PLA2G6: variants seen among roughly 807,000 people sequenced by gnomAD.
PLA2G6 encodes phospholipase A2 group VI, also known as 85/88 kDa calcium-independent phospholipase A2.
In PLA2G6, 62 loss-of-function variants were observed where a neutral mutation model predicts 83.8. The observed-to-expected ratio is 0.74, with a 90% CI of 0.60 to 0.91. PLA2G6 has a LOEUF of 0.91. Ranked by LOEUF, PLA2G6 falls within the 40% of genes least tolerant of loss-of-function variation. The pLI, the probability that PLA2G6 is intolerant of heterozygous loss-of-function variation, is 0.00. For synonymous variants in PLA2G6, 417 were observed against 449.8 expected (o/e 0.93, Z 0.92); for missense variants, 944 against 1,102.0 (o/e 0.86, Z 2.03).
intron 9 of PLA2G6, among the ~76,000 whole-genome samples, chr22:38,127,720 G>A (rs1306102242): frequency 6.6e-6 from 1 of 152,218 alleles, no homozygotes; most frequent in African/African-American, 2.4e-5. Flanking sequence ...AAAGTCCAGA[G>A]AAGGGTCCTG....
At chr22:38,129,752 G>A (rs2088096388) in intron 7 of PLA2G6, among the ~76,000 whole-genome samples, 190 bp from the exon 8 acceptor site, 2 of 152,146 alleles carry the variant, frequency 1.3e-5, no homozygotes, top group African/African-American at 4.8e-5. Flanking sequence ...TGATGGCTGG[G>A]GACCTGACAA....
Position 38,120,955 on chromosome 22 carries a change from C to T in PLA2G6, c.1592-46G>A, listed in dbSNP as rs758616263. 5.0e-6 allele frequency: 8 copies of T among 1,607,654 alleles called. No homozygotes were observed. In the East Asian group the frequency reaches 1.6e-4, roughly 31 times the overall value. ...GGCGGGGAGATGCAGCGGCCACACG[C>T]AGGGCTCCCGTAGAACAGCCTGCAG... On this transcript the variant is annotated intron_variant, in intron 11 of 16. Coordinates refer to ENST00000332509, the MANE Select transcript of PLA2G6 (RefSeq NM_003560.4).
chr22:38,169,731 A>C (rs1420542486), intron 1 of PLA2G6, among the ~76,000 whole-genome samples: 1 of 152,226 alleles, frequency 6.6e-6, no homozygotes, highest in Non-Finnish European at 1.5e-5. Context: ...GGTGACCTTA[A>C]CTGCCTGCTT....
intron 1 of PLA2G6, among the ~76,000 whole-genome samples, chr22:38,174,113 C>T (rs1361389336): frequency 4.6e-5 from 7 of 151,762 alleles, no homozygotes; most frequent in Non-Finnish European, 5.9e-5. Flanking sequence ...CAAAAACAAA[C>T]GGGCTGGGCG....
At chr22:38,170,937 G>A (rs1360804961) in intron 1 of PLA2G6, among the ~76,000 whole-genome samples, 1 of 152,130 alleles carries the variant, frequency 6.6e-6, no homozygotes, top group Non-Finnish European at 1.5e-5. Flanking sequence ...TTGGGAGGCC[G>A]ACTCGGGCGG....
Position 38,169,286 on chromosome 22 carries a change from G to C in PLA2G6, c.141C>G (p.Phe47Leu). The C allele has an allele frequency of 6.2e-7, 1 of 1,614,194 alleles. No individual in the cohort carries two copies. The highest frequency in any genetic ancestry group is 8.5e-7 in the Non-Finnish European group (1 of 1,180,032). ...CCCAGGTGCGGTTGGGAGTGTTCTG[G>C]AACAGAATCAGCTGCCCTTCCTCCC... Reference protein sequence around the residue: ...RVREEGQLILFQNTPNRTWDC... With the variant: ...RVREEGQLILLQNTPNRTWDC... Residue 47 changes from phenylalanine to leucine, a missense_variant, in exon 2 of 17, where the codon TTC (phenylalanine) becomes TTG (leucine). Coordinates refer to ENST00000332509, the MANE Select transcript of PLA2G6 (RefSeq NM_003560.4).
intron 2 of PLA2G6, chr22:38,148,889 C>T (rs1386914806): frequency 3.8e-5 from 7 of 182,668 alleles, no homozygotes; most frequent in East Asian, 1.6e-4. Flanking sequence ...TTTTTTGAGA[C>T]GGAGTCTCGC....
intron 5 of PLA2G6, chr22:38,139,329 A>G (rs2088743914): frequency 6.6e-6 from 1 of 152,064 alleles, no homozygotes; most frequent in African/African-American, 2.4e-5. Context: ...GAAAGAGGAG[A>G]CCCCAAAGAG....
At chr22:38,164,296 G>C (rs2090133542) in intron 2 of PLA2G6, among the ~76,000 whole-genome samples, 1 of 152,210 alleles carries the variant, frequency 6.6e-6, no homozygotes, top group African/African-American at 2.4e-5. Flanking sequence ...CCTGATGTAA[G>C]AAAGGTAAAC....
At chr22:38,127,731 TCTAG>T (rs2087953324) in intron 9 of PLA2G6, among the ~76,000 whole-genome samples, 4 of 152,094 alleles carry the variant, frequency 2.6e-5, no homozygotes, top group Admixed American at 2.6e-4. Flanking sequence ...AAGGGTCCTG[TCTAG>T]TCTGGGGATG....
At chr22:38,152,509 T>G (rs132944) in intron 2 of PLA2G6, among the ~76,000 whole-genome samples, 27,817 of 150,668 alleles carry the variant, frequency 0.18, 2,865 homozygotes, top group East Asian at 0.45. Flanking sequence ...GCCTGGCCCG[T>G]GCCTGGCACT....
chr22:38,149,801 G>T (rs5756930), intron 2 of PLA2G6: 1 of 151,668 alleles, frequency 6.6e-6, no homozygotes, highest in Non-Finnish European at 1.5e-5. Context: ...CGGGCGTGGC[G>T]GTGGGTGCCT....
rs1425894976 is a variant in PLA2G6, at chr22:38,143,191, A to T, written c.523T>A (p.Cys175Ser). The T allele has an allele frequency of 1.2e-6, 2 of 1,614,164 alleles. No homozygotes were observed. The highest frequency in any genetic ancestry group is 1.7e-6 in the Non-Finnish European group (2 of 1,179,988). Residue 175 changes from cysteine (C) to serine (S), a missense_variant, in exon 4 of 17, where the codon TGC (cysteine) becomes AGC (serine). Physicochemically the swap from Cys to Ser is moderately radical, Grantham distance 112. Coordinates refer to ENST00000332509, the MANE Select transcript of PLA2G6 (RefSeq NM_003560.4). The part of the protein sequence containing the change: ...GEILVELVQY[C>S]HTQMDVTDYK... ...TCGGTGACATCCATCTGAGTGTGGC[A>T]GTACTGCACCAGCTCCACCAGGATC...
chr22:38,174,440 T>G (rs917852955), intron 1 of PLA2G6, among the ~76,000 whole-genome samples: 2 of 151,586 alleles, frequency 1.3e-5, no homozygotes, highest in African/African-American at 4.9e-5. Flanking sequence ...ACAAAAAACC[T>G]CGAGTGGGAA....
Position 38,115,928 on chromosome 22 carries a change from C to T in PLA2G6, c.1879+147G>A, listed in dbSNP as rs1226571470. 4 of 1,466,592 alleles carry T rather than the reference C, an allele frequency of 2.7e-6. No individual in the cohort carries two copies. The East Asian group carries it at 7.3e-5, about 27-fold the overall frequency. The allele number at this position is 1,466,592 out of a possible 1,614,324, so 90.8% of individuals were successfully genotyped here. ...AGGGGCCTGACAGCTCCCCCGCAATCCCTGTCCTCAGCCAATAAAGACCAG... is the reference window on the plus strand; with the variant it reads ...AGGGGCCTGACAGCTCCCCCGCAATTCCTGTCCTCAGCCAATAAAGACCAG... On this transcript the variant is annotated intron_variant, in intron 13 of 16. Coordinates refer to ENST00000332509, the MANE Select transcript of PLA2G6 (RefSeq NM_003560.4).
chr22:38,120,866 C>T lies in PLA2G6; in HGVS notation c.1635G>A (p.Lys545=), dbSNP rs752452448. The T allele has an allele frequency of 1.7e-5, 28 of 1,613,776 alleles. 1 individual carries two copies. The East Asian group carries it at 6.2e-4, about 36-fold the overall frequency. Reference sequence around the variant, plus strand: ...GCCTGGAGCCCCGGAACACCTCATCCTTCATGCGAAAGTACATGCCGCGCA... The same window carrying T: ...GCCTGGAGCCCCGGAACACCTCATCTTTCATGCGAAAGTACATGCCGCGCA... ...AYMRGMYFRM[K]DEVFRGSRPY... is the part of the protein sequence containing the mutation. Residue 545 remains lysine, a synonymous_variant, in exon 12 of 17, where the codon AAG becomes AAA. Transcript: ENST00000332509.
At chr22:38,112,402 C>T (rs914530056) in intron 16 of PLA2G6, 97 bp from the exon 17 acceptor site, 2 of 1,532,002 alleles carry the variant, frequency 1.3e-6, no homozygotes, top group African/African-American at 2.7e-5. Flanking sequence ...CAGAGCAGAC[C>T]CTTGGGGAAG....
chr22:38,177,009 C>T (rs2090658677), intron 1 of PLA2G6, among the ~76,000 whole-genome samples: 1 of 147,198 alleles, frequency 6.8e-6, no homozygotes, highest in Non-Finnish European at 1.5e-5. Context: ...CATGCCACTG[C>T]ACTAAAGCTT....
At chr22:38,165,137 C>G (rs2090165954) in intron 2 of PLA2G6, among the ~76,000 whole-genome samples, 1 of 152,254 alleles carries the variant, frequency 6.6e-6, no homozygotes, top group South Asian at 2.1e-4. Context: ...CTCAATGCAA[C>G]AGTCCTCCAC....
Sources: allele counts gnomAD v4.1 joint callset (sites outside exome capture counted in the v4.1 genomes callset), GRCh38; gene constraint gnomAD v4.1.1; transcripts MANE v1.5; gene names NCBI Gene and HGNC (gene_info 2026-07-23, HGNC 2026-07-21).